Variants in MGAT5 observed in about 807,000 individuals in gnomAD.
MGAT5 encodes alpha-1,6-mannosylglycoprotein 6-beta-N-acetylglucosaminyltransferase A.
A neutral mutation model predicts 94.3 loss-of-function variants in MGAT5; 30 were observed. The observed-to-expected ratio is 0.32, with a 90% confidence interval of 0.24 to 0.43. MGAT5 has a LOEUF of 0.43. MGAT5 is among the 20% of genes least tolerant of loss of function. The pLI is 1.00. For missense variants in MGAT5, 691 were observed against 905.5 expected, an observed-to-expected ratio of 0.76 and a Z score of 3.04; for synonymous variants, 310 against 322.9, an observed-to-expected ratio of 0.96 and a Z score of 0.43.
chr2:134,155,649 A>G (rs890155942), intron 1 of MGAT5, among the ~76,000 whole-genome samples: 2 of 152,124 alleles, frequency 1.3e-5, no homozygotes, highest in African/African-American at 4.8e-5. Context: ...TTAAGCTTAG[A>G]TGCCAACACA....
chr2:134,443,453 A>G (rs1487252004), intron 15 of MGAT5, among the ~76,000 whole-genome samples: 1 of 152,168 alleles, frequency 6.6e-6, no homozygotes, highest in Non-Finnish European at 1.5e-5. Context: ...AGGCCTCCCA[A>G]AGTGCTGGTA....
chr2:134,340,161 C>A (rs972910165), intron 6 of MGAT5, among the ~76,000 whole-genome samples: 3 of 152,144 alleles, frequency 2.0e-5, no homozygotes, highest in African/African-American at 7.2e-5. Flanking sequence ...GAACAAATTT[C>A]CTAGCTAGGG....
chr2:134,201,900 G>A (rs1194485824), intron 1 of MGAT5, among the ~76,000 whole-genome samples: 1 of 144,868 alleles, frequency 6.9e-6, no homozygotes, highest in East Asian at 2.0e-4. Flanking sequence ...TGGCTTGAAA[G>A]GCTCCATGCT....
Position 134,428,181 on chromosome 2 carries a change from C to T in MGAT5, c.1795-184C>T, listed in dbSNP as rs146623004. On this transcript the variant is annotated intron_variant, in intron 13 of 15. Transcript: ENST00000281923. ...AACCTGAGACTTAGAGATGGCAAGT[C>T]ATTTGCTCAGAGTCCCACACCTAGT... 2.2e-3 allele frequency among the ~76,000 whole-genome samples: 341 copies of T among 152,364 alleles called. 3 individuals carry two copies. Among genetic ancestry groups the T allele is most frequent in the African/African-American group, 7.8e-3 (323 of 41,586 alleles).
At chr2:134,406,140 T>C (rs1683321023) in intron 11 of MGAT5, among the ~76,000 whole-genome samples, 1 of 152,216 alleles carries the variant, frequency 6.6e-6, no homozygotes, top group Admixed American at 6.5e-5. Flanking sequence ...GTGGCTTCTT[T>C]CTTCATCTTC....
chr2:134,428,737 T>A (rs1291415505), intron 14 of MGAT5, among the ~76,000 whole-genome samples: 3 of 152,248 alleles, frequency 2.0e-5, no homozygotes, highest in Non-Finnish European at 4.4e-5. Context: ...GAGTGGGTTC[T>A]GAGGCCCATT....
chr2:134,376,560 C>A (rs1681186517), intron 10 of MGAT5, among the ~76,000 whole-genome samples: 1 of 152,188 alleles, frequency 6.6e-6, no homozygotes, highest in Non-Finnish European at 1.5e-5. Flanking sequence ...ACCGATCCCT[C>A]ACTATTTGGA....
chr2:134,413,787 C>T (rs1041239776), intron 12 of MGAT5, among the ~76,000 whole-genome samples: 13 of 152,198 alleles, frequency 8.5e-5, no homozygotes, highest in African/African-American at 3.1e-4. Flanking sequence ...TAGCAGCATC[C>T]TTGTCATTCA....
Position 134,318,698 on chromosome 2 carries a change from G to T in MGAT5, c.532G>T (p.Val178Leu). 1 of 1,613,600 alleles carries T rather than the reference G, an allele frequency of 6.2e-7. No homozygotes were observed. The highest frequency in any genetic ancestry group is 8.5e-7 in the Non-Finnish European group (1 of 1,179,584). The stretch of plus-strand genomic sequence containing the variant: ...AGATCCCTGCTACGCAGACTATGGA[G>T]TGGATGGATCCACCTGCTCTTTTTT... Reference protein sequence around the residue: ...RSDPCYADYGVDGSTCSFFIY... With the variant: ...RSDPCYADYGLDGSTCSFFIY... The change falls in exon 4 of 16, where the codon GTG (valine) becomes TTG (leucine). Residue 178 changes from valine (V) to leucine (L), a missense_variant. Transcript: ENST00000281923.
At chr2:134,385,617 T>C (rs1558845747) in intron 10 of MGAT5, among the ~76,000 whole-genome samples, 1 of 152,186 alleles carries the variant, frequency 6.6e-6, no homozygotes, top group Non-Finnish European at 1.5e-5. Flanking sequence ...GAGGACAACA[T>C]AGTTTTTAAT....
intron 10 of MGAT5, among the ~76,000 whole-genome samples, chr2:134,401,401 C>T (rs989974375): frequency 6.6e-6 from 1 of 152,182 alleles, no homozygotes; most frequent in Non-Finnish European, 1.5e-5. Context: ...CCCTTGCCTT[C>T]CTGAGTCTGC....
At position 134,262,112 on chromosome 2, in the gene MGAT5, C is replaced by T. The variant is rs75475515; in HGVS notation, c.241+7468C>T. Among the ~76,000 whole-genome samples the T allele has an allele frequency of 6.9e-3, 1,045 of 152,302 alleles. 40 individuals are homozygous for T. The East Asian group carries it at 0.12, about 17-fold the overall frequency. Reference sequence around the variant, plus strand: ...AAAGCTTACTTCCTCTTTTGTAAAACAGACAATATAATATCATTTAACCTC... The same window carrying T: ...AAAGCTTACTTCCTCTTTTGTAAAATAGACAATATAATATCATTTAACCTC... On this transcript the variant is annotated intron_variant, in intron 1 of 15. Transcript: ENST00000281923.
intron 1 of MGAT5, among the ~76,000 whole-genome samples, chr2:134,194,270 C>G (rs372205818): frequency 6.6e-6 from 1 of 152,016 alleles, no homozygotes; most frequent in Non-Finnish European, 1.5e-5. Flanking sequence ...AATTTCTTCT[C>G]GGAGCTATCT....
At chr2:134,189,967 T>C (rs1689286285) in intron 1 of MGAT5, among the ~76,000 whole-genome samples, 1 of 152,226 alleles carries the variant, frequency 6.6e-6, no homozygotes, top group Non-Finnish European at 1.5e-5. Context: ...TGGAATTTTA[T>C]GGTGACCTTT....
At chr2:134,323,467 C>T (rs555103352) in intron 4 of MGAT5, among the ~76,000 whole-genome samples, 1 of 152,212 alleles carries the variant, frequency 6.6e-6, no homozygotes, top group Non-Finnish European at 1.5e-5. Context: ...GTCAGCTATA[C>T]ACAATCTTAT....
chr2:134,362,089 C>T (rs1450944032), intron 9 of MGAT5, among the ~76,000 whole-genome samples, 186 bp from the exon 10 acceptor site: 1 of 152,212 alleles, frequency 6.6e-6, no homozygotes, highest in Non-Finnish European at 1.5e-5. Context: ...AAGTATTCTT[C>T]ATGACGGTTT....
chr2:134,136,205 T>C (rs961033849), intron 1 of MGAT5, among the ~76,000 whole-genome samples: 2 of 152,160 alleles, frequency 1.3e-5, no homozygotes, highest in Non-Finnish European at 2.9e-5. Flanking sequence ...TTGTTGCACC[T>C]GTTGCTAGAT....
At chr2:134,219,872 T>C (rs1197568189) in intron 1 of MGAT5, among the ~76,000 whole-genome samples, 1 of 152,210 alleles carries the variant, frequency 6.6e-6, no homozygotes, top group African/African-American at 2.4e-5. Context: ...TTCTTGAACT[T>C]TCTTGACCTG....
rs183767511 is a variant in MGAT5 at position 134,311,362 on chromosome 2, G to A, written c.407-6167G>A. ...AACTAGATAAAAAGTTAATGGACCT[G>A]TGTTCTACAGGTTGTTAAAAACAAG... On this transcript the variant is annotated intron_variant, in intron 2 of 15. Transcript: ENST00000281923. Among the ~76,000 whole-genome samples, 75 of 152,224 alleles carry A rather than the reference G, an allele frequency of 4.9e-4. 1 individual carries two copies. Among genetic ancestry groups the A allele is most frequent in the Admixed American group, 2.4e-3 (36 of 15,292 alleles).
Sources: gnomAD v4.1 joint callset for allele counts (sites outside exome capture counted in the v4.1 genomes callset) on GRCh38, gnomAD v4.1.1 for gene constraint, MANE v1.5 for transcripts, NCBI Gene and HGNC (gene_info 2026-07-23, HGNC 2026-07-21) for gene names.